RHBDD1: variants seen among roughly 807,000 people sequenced by gnomAD.
RHBDD1 encodes the protein rhomboid domain containing 1.
Under a neutral mutation model 36.3 loss-of-function variants are expected in RHBDD1, and 38 were observed. The ratio of observed to expected loss-of-function variants is 1.05; its 90% CI spans 0.81 to 1.37. The LOEUF (loss-of-function observed/expected upper bound fraction) is 1.37. RHBDD1 is among the 40% of genes most tolerant of loss of function. RHBDD1 has a pLI of 0.00. For synonymous variants in RHBDD1, 151 were observed against 136.5 expected, an observed-to-expected ratio of 1.11 and a Z score of -0.74; for missense variants, 393 against 377.6, an observed-to-expected ratio of 1.04 and a Z score of -0.34.
intron 7 of RHBDD1, among the ~76,000 whole-genome samples, chr2:226,913,335 G>T (rs1239386944): frequency 6.6e-6 from 1 of 152,138 alleles, no homozygotes; most frequent in African/African-American, 2.4e-5. Context: ...TGGCAGGAAA[G>T]AAGAGAAAAA....
intron 8 of RHBDD1, among the ~76,000 whole-genome samples, chr2:226,924,137 C>G: frequency 6.6e-6 from 1 of 152,204 alleles, no homozygotes; most frequent in East Asian, 1.9e-4. Context: ...GCCAGCATGT[C>G]TCTGAGTCTC....
chr2:226,891,056 GA>G (rs1262307827), intron 5 of RHBDD1, among the ~76,000 whole-genome samples: 1 of 152,118 alleles, frequency 6.6e-6, no homozygotes, highest in Non-Finnish European at 1.5e-5. Flanking sequence ...TGTAACAAAT[GA>G]TCTCAAATCC....
chr2:226,984,031 G>A (rs1956375634), intron 8 of RHBDD1, among the ~76,000 whole-genome samples: 1 of 152,190 alleles, frequency 6.6e-6, no homozygotes, highest in Non-Finnish European at 1.5e-5. Context: ...GTCCCTTGGA[G>A]GGAGGGAGCT....
At chr2:226,959,187 A>C (rs1190543037) in intron 8 of RHBDD1, among the ~76,000 whole-genome samples, 1 of 152,178 alleles carries the variant, frequency 6.6e-6, no homozygotes, top group Non-Finnish European at 1.5e-5. Context: ...GAATAATGAT[A>C]CCTTCTTTTT....
chr2:226,827,271 T>C, the RHBDD1 span, among the ~76,000 whole-genome samples: 12 of 152,212 alleles, frequency 7.9e-5, no homozygotes, highest in Non-Finnish European at 1.8e-4. Context: ...AGCCTAATGG[T>C]GTTTTTAAAA....
chr2:226,993,699 G>A (rs1301144161), intron 8 of RHBDD1, among the ~76,000 whole-genome samples: 2 of 152,140 alleles, frequency 1.3e-5, no homozygotes, highest in Non-Finnish European at 1.5e-5. Context: ...ATCAGTTATG[G>A]GGAAGCACTG....
chr2:226,935,058 G>C (rs1236897130), intron 8 of RHBDD1: 1 of 151,970 alleles, frequency 6.6e-6, no homozygotes, highest in Non-Finnish European at 1.5e-5. Flanking sequence ...CACTTTGGCT[G>C]TCTTGTGAAA....
At chr2:226,808,866 C>CA in the RHBDD1 span, among the ~76,000 whole-genome samples, 1,790 of 136,506 alleles carry the variant, frequency 0.013, 22 homozygotes, top group African/African-American at 0.035. Context: ...GAAGTAGTGT[C>CA]AAAAAAAAAA....
At chr2:226,871,649 A>G (rs1034068116) in intron 5 of RHBDD1, among the ~76,000 whole-genome samples, 1 of 152,184 alleles carries the variant, frequency 6.6e-6, no homozygotes, top group Non-Finnish European at 1.5e-5. Context: ...CCCACACTCT[A>G]GACTTGTCTG....
intron 8 of RHBDD1, among the ~76,000 whole-genome samples, chr2:226,918,228 G>A (rs570011995): frequency 6.6e-6 from 1 of 151,416 alleles, no homozygotes; most frequent in African/African-American, 2.4e-5. Context: ...TATTTATGGG[G>A]TACATGAGAA....
chr2:226,811,562 C>T, the RHBDD1 span, among the ~76,000 whole-genome samples: 11 of 152,198 alleles, frequency 7.2e-5, no homozygotes, highest in Admixed American at 5.2e-4. Flanking sequence ...CTCAGTCTCC[C>T]AAAGTGCTGG....
chr2:226,877,437 T>C (rs527652791), intron 5 of RHBDD1, among the ~76,000 whole-genome samples: 1 of 152,310 alleles, frequency 6.6e-6, no homozygotes, highest in Admixed American at 6.5e-5. Context: ...CATAGAAGTT[T>C]TCCAAAATTC....
the RHBDD1 span, among the ~76,000 whole-genome samples, chr2:226,824,788 C>T: frequency 5.3e-5 from 8 of 152,178 alleles, no homozygotes; most frequent in African/African-American, 1.7e-4. Flanking sequence ...ATTCATCCTG[C>T]CTTGTATACA....
chr2:226,862,124 G>T (rs1469652867), intron 3 of RHBDD1, among the ~76,000 whole-genome samples: 1 of 152,128 alleles, frequency 6.6e-6, no homozygotes, highest in Non-Finnish European at 1.5e-5. Context: ...GTACATTTGA[G>T]TCTTTTTAGG....
intron 1 of RHBDD1, chr2:226,837,868 T>C (rs1302680042): frequency 2.0e-5 from 3 of 152,208 alleles, no homozygotes; most frequent in Non-Finnish European, 4.4e-5. Flanking sequence ...TTGAGAATTA[T>C]TGTAACATAG....
intron 6 of RHBDD1, chr2:226,908,368 T>G (rs60197442): frequency 0.022 from 3,439 of 154,352 alleles, 144 homozygotes; most frequent in African/African-American, 0.078. Context: ...ATTGACTGAG[T>G]AGACAGTCCT....
At chr2:226,965,390 C>CA (rs1473411375) in intron 8 of RHBDD1, among the ~76,000 whole-genome samples, 10 of 152,160 alleles carry the variant, frequency 6.6e-5, no homozygotes, top group Non-Finnish European at 1.2e-4. Flanking sequence ...TTAAGGAACT[C>CA]AGTTTGCAAT....
intron 5 of RHBDD1, among the ~76,000 whole-genome samples, chr2:226,875,502 C>A (rs1019620586): frequency 9.9e-5 from 15 of 152,088 alleles, no homozygotes; most frequent in Non-Finnish European, 1.6e-4. Flanking sequence ...CCCATCGAGA[C>A]TTCACAGTTT....
intron 3 of RHBDD1, among the ~76,000 whole-genome samples, chr2:226,842,685 G>A (rs961818828): frequency 4.6e-5 from 7 of 152,106 alleles, no homozygotes; most frequent in Admixed American, 2.6e-4. Flanking sequence ...TTTCGTTACT[G>A]TAGCCTTTTA....
Sources: gnomAD v4.1 joint callset for allele counts (sites outside exome capture counted in the v4.1 genomes callset) on GRCh38, gnomAD v4.1.1 for gene constraint, MANE v1.5 for transcripts, NCBI Gene and HGNC (gene_info 2026-07-23, HGNC 2026-07-21) for gene names.